Variants in FNDC3B observed in about 807,000 individuals in gnomAD.
The protein encoded by FNDC3B is fibronectin type III domain containing 3B.
FNDC3B carries 12 observed loss-of-function variants against 151.5 expected under a neutral mutation model. That is an observed-to-expected ratio of 0.08 (90% CI 0.05 to 0.13). FNDC3B has a LOEUF of 0.13. Among genes scored for constraint, FNDC3B ranks in the 10% least tolerant of loss-of-function variants. The pLI is 1.00. For missense variants in FNDC3B, 1,214 were observed against 1,505.3 expected, an observed-to-expected ratio of 0.81 and a Z score of 3.20; for synonymous variants, 528 against 549.0, an observed-to-expected ratio of 0.96 and a Z score of 0.54.
intron 25 of FNDC3B, among the ~76,000 whole-genome samples, chr3:172,386,518 G>A (rs1372371694): frequency 6.6e-6 from 1 of 152,092 alleles, no homozygotes; most frequent in Non-Finnish European, 1.5e-5. Context: ...CAAGATGGGC[G>A]GATCACGAGG....
chr3:172,390,074 G>T (rs891879825), intron 25 of FNDC3B, among the ~76,000 whole-genome samples: 5 of 152,008 alleles, frequency 3.3e-5, no homozygotes, highest in Admixed American at 3.3e-4. Context: ...AGTATTTGAG[G>T]GTTCTAATTA....
In FNDC3B at chr3:172,397,266, C is replaced by G. The variant is rs1352117323; in HGVS notation, c.3406C>G (p.Gln1136Glu). The G allele has an allele frequency of 6.2e-7, 1 of 1,614,188 alleles. No individual in the cohort carries two copies. Among genetic ancestry groups the G allele is most frequent in the South Asian group, 1.1e-5 (1 of 91,082 alleles). Residue 1136 changes from glutamine (Q) to glutamate (E), a missense_variant, in exon 26 of 26, where the codon CAG (glutamine) becomes GAG (glutamate). Gln to Glu is a conservative substitution (Grantham distance 29, BLOSUM62 2). Transcript: ENST00000415807. The stretch of plus-strand genomic sequence containing the variant: ...GTGTCGTCGCTGTTTAGACACCTCT[C>G]AGGAGCTAAGCGGAGCCTTCAGCCC... ...CACRRCLDTS[Q>E]ELSGAFSPSA...
chr3:172,158,846 C>A (rs2108613971), intron 3 of FNDC3B, among the ~76,000 whole-genome samples: 1 of 152,330 alleles, frequency 6.6e-6, no homozygotes, highest in African/African-American at 2.4e-5. Flanking sequence ...CTCTTCTTCT[C>A]TTTCTCCTCC....
At chr3:172,295,169 T>A (rs1451484975) in intron 7 of FNDC3B, among the ~76,000 whole-genome samples, 194 bp from the exon 8 acceptor site, 3 of 152,192 alleles carry the variant, frequency 2.0e-5, no homozygotes, top group Non-Finnish European at 4.4e-5. Context: ...AAAGTTGGCA[T>A]TATAAGGACA....
intron 3 of FNDC3B, among the ~76,000 whole-genome samples, chr3:172,209,107 A>ACAGTGCG (rs1560019111): frequency 6.8e-6 from 1 of 146,940 alleles, no homozygotes; most frequent in Admixed American, 6.7e-5. Flanking sequence ...CTCATTGCCT[A>ACAGTGCG]CAGTGCGCAG....
chr3:172,247,962 G>T (rs987802204), intron 5 of FNDC3B, among the ~76,000 whole-genome samples, 186 bp downstream of exon 5: 3 of 152,156 alleles, frequency 2.0e-5, no homozygotes, highest in Non-Finnish European at 4.4e-5. Context: ...TACTTTGTGG[G>T]TTTAGTTCTT....
At chr3:172,150,537 A>C (rs1046945638) in intron 3 of FNDC3B, among the ~76,000 whole-genome samples, 1 of 151,230 alleles carries the variant, frequency 6.6e-6, no homozygotes, top group Admixed American at 6.6e-5. Context: ...GTCCTTTTCC[A>C]GTTGGTTTTT....
In FNDC3B at chr3:172,040,563, C is replaced by CGGGGGAGCGGGGCGCGGCGG. The variant is rs1397240308; in HGVS notation, c.-29+794_-29+813dup. On this transcript the variant is annotated intron_variant, in intron 1 of 25. Transcript: ENST00000415807. The surrounding 1 kb of genome is among the most constrained non-coding windows in gnomAD (Gnocchi z 6.6). ...GCGAGCCGGCGGCTGGAAGCTCGGG[C>CGGGGGAGCGGGGCGCGGCGG]GGGGGAGCGGGGCGCGGCGGGAAGG... 6.6e-6 allele frequency: 1 copy of CGGGGGAGCGGGGCGCGGCGG among 151,834 alleles called. No individual in the cohort carries two copies. Among genetic ancestry groups the CGGGGGAGCGGGGCGCGGCGG allele is most frequent in the African/African-American group, 2.4e-5 (1 of 41,308 alleles). The allele number at this position is 151,834 out of a possible 1,614,324, so 9.4% of individuals were successfully genotyped here. A position where few individuals can be genotyped will look rare whatever the true frequency, so the allele number is the denominator to read the frequency against.
At chr3:172,086,637 T>C (rs1319586396) in intron 1 of FNDC3B, among the ~76,000 whole-genome samples, 3 of 152,256 alleles carry the variant, frequency 2.0e-5, no homozygotes, top group Admixed American at 2.0e-4. Context: ...TTTCATATAA[T>C]CTTTATAAAA....
chr3:172,046,514 G>A (rs2108452549), intron 1 of FNDC3B, among the ~76,000 whole-genome samples: 1 of 151,884 alleles, frequency 6.6e-6, no homozygotes, highest in East Asian at 1.9e-4. Context: ...ATAGAGACAG[G>A]GTTTCACTTT....
chr3:172,116,914 C>G (rs1720286545), intron 2 of FNDC3B, among the ~76,000 whole-genome samples: 1 of 152,182 alleles, frequency 6.6e-6, no homozygotes, highest in Non-Finnish European at 1.5e-5. Context: ...TGTGTCAGTA[C>G]TGTATTCCTT....
intron 1 of FNDC3B, among the ~76,000 whole-genome samples, chr3:172,071,589 A>T (rs972416760): frequency 6.6e-6 from 1 of 151,996 alleles, no homozygotes; most frequent in African/African-American, 2.4e-5. Flanking sequence ...ATTTTTTTTT[A>T]TTCTCTGTGA....
chr3:172,289,337 C>T (rs576478282), intron 7 of FNDC3B, among the ~76,000 whole-genome samples: 3 of 152,250 alleles, frequency 2.0e-5, no homozygotes, highest in African/African-American at 7.2e-5. Flanking sequence ...TTTTACTGGG[C>T]CCAGCCAGAT....
chr3:172,051,016 C>A (rs890017788), intron 1 of FNDC3B, among the ~76,000 whole-genome samples: 2 of 151,678 alleles, frequency 1.3e-5, no homozygotes, highest in African/African-American at 4.8e-5. Flanking sequence ...ATGATCTCCC[C>A]TTTTCTTTGC....
chr3:172,109,552 G>T (rs922859708), intron 1 of FNDC3B, among the ~76,000 whole-genome samples: 4 of 152,218 alleles, frequency 2.6e-5, no homozygotes, highest in Non-Finnish European at 4.4e-5. Context: ...GGCTCACAGT[G>T]GCCTTTATTC....
intron 6 of FNDC3B, among the ~76,000 whole-genome samples, chr3:172,270,938 A>C (rs1729173713): frequency 1.3e-5 from 2 of 152,372 alleles, no homozygotes; most frequent in Non-Finnish European, 1.5e-5. Flanking sequence ...TAGCACAGTC[A>C]GTATGAAACC....
At chr3:172,394,580 G>A (rs927980807) in intron 25 of FNDC3B, among the ~76,000 whole-genome samples, 11 of 152,132 alleles carry the variant, frequency 7.2e-5, no homozygotes, top group African/African-American at 2.7e-4. Context: ...AATGGGTAAG[G>A]AGATGAAATC....
chr3:172,165,128 C>T (rs1280495341), intron 3 of FNDC3B, among the ~76,000 whole-genome samples: 1 of 152,220 alleles, frequency 6.6e-6, no homozygotes, highest in Non-Finnish European at 1.5e-5. Flanking sequence ...ATCCTCCTGC[C>T]TCAGGCTCCG....
chr3:172,397,477 C>T lies in FNDC3B; in HGVS notation c.*2C>T, dbSNP rs569866127. On this transcript the variant is annotated 3_prime_UTR_variant, in exon 26 of 26. Transcript: ENST00000415807. ...TTACAGTACTTCTTAATGAAGTAAA[C>T]CCAACAAAACTAGAGGTATGAATTA... The T allele has an allele frequency of 1.4e-5, 22 of 1,557,566 alleles. No homozygotes were observed. The South Asian group carries it at 2.3e-4, about 17-fold the overall frequency.
Sources: gnomAD v4.1 joint callset for allele counts (sites outside exome capture counted in the v4.1 genomes callset) on GRCh38, gnomAD v4.1.1 for gene constraint, Gnocchi (gnomAD v3.1) non-coding constraint, MANE v1.5 for transcripts, NCBI Gene and HGNC (gene_info 2026-07-23, HGNC 2026-07-21) for gene names.